Variants in STK3 observed in about 807,000 individuals in gnomAD.
STK3 encodes serine/threonine-protein kinase 3.
Under a neutral mutation model 58.0 loss-of-function variants are expected in STK3, and 41 were observed. The observed-to-expected ratio is 0.71, with a 90% CI of 0.55 to 0.92. STK3 has a LOEUF of 0.92. STK3 is among the 40% of genes least tolerant of loss of function. STK3 has a pLI of 0.00. For synonymous variants in STK3, 170 were observed against 191.0 expected, an observed-to-expected ratio of 0.89 and a Z score of 0.91; for missense variants, 479 against 602.7, an observed-to-expected ratio of 0.79 and a Z score of 2.15.
chr8:98,458,120 C>CACACACACACACATGT (rs1204214652), intron 10 of STK3, among the ~76,000 whole-genome samples: 56 of 152,164 alleles, frequency 3.7e-4, no homozygotes, highest in African/African-American at 1.2e-3. Flanking sequence ...CATATACACA[C>CACACACACACACATGT]ACACACACAC....
intron 6 of STK3, among the ~76,000 whole-genome samples, chr8:98,651,201 C>A (rs1228779054): frequency 6.6e-6 from 1 of 152,210 alleles, no homozygotes; most frequent in East Asian, 1.9e-4. Flanking sequence ...TGCTGTTCTG[C>A]AGCCACCGCT....
Position 98,413,038 on chromosome 8 carries a change from G to A in STK3, n.484-11525C>T, listed in dbSNP as rs1818073042. The A allele has an allele frequency of 1.8e-5, 4 of 227,982 alleles. No homozygotes were observed. In the South Asian group the frequency reaches 2.3e-4, roughly 13 times the overall value. The allele number at this position is 227,982 out of a possible 1,614,324, so 14.1% of individuals were successfully genotyped here. ...TTTGCTTTGTTTTTGTTTTGAGACA[G>A]GATCTCACTCTGTCACCCAGGTTGG... On this transcript the variant is annotated intron_variant and non_coding_transcript_variant, in intron 3 of 3. Coordinates refer to the STK3 transcript ENST00000517832.
chr8:98,633,384 T>C (rs988608271), intron 6 of STK3, among the ~76,000 whole-genome samples: 4 of 152,212 alleles, frequency 2.6e-5, no homozygotes, highest in African/African-American at 9.7e-5. Context: ...TTGTGTTTCA[T>C]TTAAGATGAT....
intron 8 of STK3, among the ~76,000 whole-genome samples, chr8:98,565,813 T>A (rs1404102923): frequency 6.6e-6 from 1 of 152,134 alleles, no homozygotes; most frequent in African/African-American, 2.4e-5. Context: ...AACAAACAGA[T>A]ATATTATTTA....
At chr8:98,598,798 G>C in intron 6 of STK3, 2 of 985,322 alleles carry the variant, frequency 2.0e-6, no homozygotes, top group Non-Finnish European at 2.4e-6. Context: ...GATTATCCTT[G>C]TGTTTGTTTC....
intron 1 of STK3, among the ~76,000 whole-genome samples, chr8:98,383,846 T>C (rs1817763815): frequency 6.6e-6 from 1 of 152,220 alleles, no homozygotes; most frequent in Non-Finnish European, 1.5e-5. Flanking sequence ...CCCAAGGATG[T>C]ACAATTTTGA....
At chr8:98,938,136 T>G (rs1368930292) in intron 1 of STK3, among the ~76,000 whole-genome samples, 1 of 149,798 alleles carries the variant, frequency 6.7e-6, no homozygotes, top group African/African-American at 2.5e-5. Context: ...CTGCACTGAC[T>G]CACTAAAATT....
chr8:98,501,837 G>A (rs535013368), intron 10 of STK3, among the ~76,000 whole-genome samples: 33 of 152,302 alleles, frequency 2.2e-4, no homozygotes, highest in African/African-American at 3.4e-4. Flanking sequence ...GTCAGGTAGC[G>A]TGATGCCTCC....
At chr8:98,516,650 T>C (rs2131431271) in intron 10 of STK3, among the ~76,000 whole-genome samples, 1 of 152,180 alleles carries the variant, frequency 6.6e-6, no homozygotes, top group East Asian at 1.9e-4. Flanking sequence ...AATGATTAAA[T>C]GGTCAAAACC....
chr8:98,426,611 G>C (rs1458322582), intron 3 of STK3, among the ~76,000 whole-genome samples: 1 of 152,148 alleles, frequency 6.6e-6, no homozygotes, highest in Non-Finnish European at 1.5e-5. Flanking sequence ...CGGGCTTCGG[G>C]AAACTTTTCT....
chr8:98,358,359 A>C, the STK3 span, among the ~76,000 whole-genome samples: 1 of 152,250 alleles, frequency 6.6e-6, no homozygotes, highest in African/African-American at 2.4e-5. Flanking sequence ...CAGTTTCAAG[A>C]GGGAGGAACA....
At chr8:98,554,194 C>T (rs1480989213) in intron 8 of STK3, among the ~76,000 whole-genome samples, 1 of 152,078 alleles carries the variant, frequency 6.6e-6, no homozygotes, top group Non-Finnish European at 1.5e-5. Flanking sequence ...TACAGGTTTG[C>T]AAGAACATGT....
At chr8:98,539,027 G>A (rs944240225) in intron 9 of STK3, among the ~76,000 whole-genome samples, 17 of 152,206 alleles carry the variant, frequency 1.1e-4, no homozygotes, top group African/African-American at 3.9e-4. Context: ...GTCATATCCC[G>A]GGCAACATTA....
intron 1 of STK3, among the ~76,000 whole-genome samples, chr8:98,792,658 A>G (rs1157942831): frequency 6.6e-6 from 1 of 152,144 alleles, no homozygotes; most frequent in Non-Finnish European, 1.5e-5. Flanking sequence ...CTGAGATTGC[A>G]CCATTGCACT....
intron 6 of STK3, among the ~76,000 whole-genome samples, chr8:98,600,246 C>G (rs372073181): frequency 6.6e-6 from 1 of 152,212 alleles, no homozygotes; most frequent in East Asian, 1.9e-4. Context: ...AAGTACAAAG[C>G]AAATAAGAGA....
the STK3 span, among the ~76,000 whole-genome samples, chr8:98,359,685 G>A: frequency 1.3e-5 from 2 of 152,112 alleles, no homozygotes; most frequent in Admixed American, 1.3e-4. Flanking sequence ...CCTCCATAGA[G>A]CAGCCAGGAG....
At chr8:98,825,800 C>G (rs1257136176), upstream of STK3, 12 of 65,306 alleles carry the variant, frequency 1.8e-4, 2 homozygotes, top group African/African-American at 6.6e-4. Context: ...CCCCGGCCGC[C>G]CCGCCCCGCC....
intron 10 of STK3, among the ~76,000 whole-genome samples, chr8:98,478,757 G>A (rs1356192695): frequency 1.3e-5 from 2 of 152,152 alleles, no homozygotes; most frequent in East Asian, 1.9e-4. Context: ...AGATGTTAAA[G>A]GGCCTAGCAC....
intron 6 of STK3, among the ~76,000 whole-genome samples, chr8:98,607,020 T>C (rs537234256): frequency 6.6e-6 from 1 of 152,268 alleles, no homozygotes; most frequent in South Asian, 2.1e-4. Flanking sequence ...ACTTGTGGGG[T>C]CTGAGCTAAC....
Sources: allele counts gnomAD v4.1 joint callset (sites outside exome capture counted in the v4.1 genomes callset), GRCh38; gene constraint gnomAD v4.1.1; transcripts MANE v1.5; gene names NCBI Gene and HGNC (gene_info 2026-07-23, HGNC 2026-07-21).